The following ADD3 variants were observed in gnomAD, a reference collection of about 807,000 sequenced individuals.
ADD3 encodes the protein adducin 3.
A neutral mutation model predicts 80.2 loss-of-function variants in ADD3; 25 were observed. The observed-to-expected ratio is 0.31, with a 90% CI of 0.23 to 0.44. The LOEUF (loss-of-function observed/expected upper bound fraction) is 0.44. Among genes scored for constraint, ADD3 ranks in the 20% least tolerant of loss-of-function variants. The pLI is 1.00. For missense variants in ADD3, 829 were observed against 847.5 expected (o/e 0.98, Z 0.27); for synonymous variants, 284 against 289.6 (o/e 0.98, Z 0.20).
intron 1 of ADD3, among the ~76,000 whole-genome samples, chr10:110,053,226 A>G (rs547275548): frequency 3.0e-4 from 46 of 152,146 alleles, no homozygotes; most frequent in South Asian, 1.2e-3. Flanking sequence ...AATAAAAAGA[A>G]TGCTGTTGGA....
chr10:110,008,771 C>T (rs1022711585), intron 1 of ADD3, among the ~76,000 whole-genome samples: 2 of 151,998 alleles, frequency 1.3e-5, no homozygotes, highest in Non-Finnish European at 2.9e-5. Context: ...TTTTTCTCCT[C>T]ATTTAAAAAA....
At chr10:110,044,337 C>T (rs1287934983) in intron 1 of ADD3, among the ~76,000 whole-genome samples, 1 of 152,104 alleles carries the variant, frequency 6.6e-6, no homozygotes, top group African/African-American at 2.4e-5. Flanking sequence ...TGTCTTCTGG[C>T]CTATTAGACC....
intron 1 of ADD3, among the ~76,000 whole-genome samples, chr10:110,057,156 C>T (rs1018326770): frequency 1.3e-5 from 2 of 152,138 alleles, no homozygotes; most frequent in African/African-American, 2.4e-5. Context: ...CCAATTCTCC[C>T]CATATCAACC....
chr10:110,063,776 T>TATATATATATATATAG (rs1564914369), intron 1 of ADD3, among the ~76,000 whole-genome samples: 2 of 97,726 alleles, frequency 2.0e-5, no homozygotes, highest in Non-Finnish European at 4.1e-5. Context: ...TATATATATA[T>TATATATATATATATAG]ATATATAAAG....
chr10:110,012,713 C>G (rs374642303), intron 1 of ADD3, among the ~76,000 whole-genome samples: 1 of 151,788 alleles, frequency 6.6e-6, no homozygotes, highest in Non-Finnish European at 1.5e-5. Flanking sequence ...AAAGCTGAAC[C>G]GTTATTGTAC....
chr10:110,024,923 CTCTTT>C (rs1854101743), intron 1 of ADD3, among the ~76,000 whole-genome samples: 2 of 151,160 alleles, frequency 1.3e-5, no homozygotes, highest in African/African-American at 4.9e-5. Flanking sequence ...AAGTTTCCTC[CTCTTT>C]TCTTTTTTTT....
intron 1 of ADD3, among the ~76,000 whole-genome samples, chr10:109,999,586 C>T (rs894558914): frequency 2.0e-5 from 3 of 152,182 alleles, no homozygotes; most frequent in African/African-American, 7.2e-5. Context: ...TCAGTTTCCT[C>T]ATTTGAAAAA....
chr10:110,118,669 C>T lies in ADD3; in HGVS notation c.650C>T (p.Ala217Val). 1 of 1,613,792 alleles carries T rather than the reference C, an allele frequency of 6.2e-7. No individual in the cohort carries two copies. The highest frequency in any genetic ancestry group is 8.5e-7 in the Non-Finnish European group (1 of 1,179,696). The part of the protein sequence containing the change: ...KIDHTGFSPH[A>V]AIYSTRPDVK... ...GACCATACAGGATTCAGTCCCCATG[C>T]TGCAATCTATTCAACACGTCCTGAT... Residue 217 changes from alanine (A) to valine (V), a missense_variant, in exon 6 of 15, where the codon GCT (alanine) becomes GTT (valine). Physicochemically the swap from Ala to Val is moderately conservative, Grantham distance 64. Transcript: ENST00000356080.
intron 12 of ADD3, among the ~76,000 whole-genome samples, chr10:110,128,576 C>T (rs1047159388): frequency 9.9e-5 from 15 of 151,880 alleles, no homozygotes; most frequent in Admixed American, 3.9e-4. Flanking sequence ...TCACCGTGCC[C>T]GACTAATTTT....
At chr10:110,090,300 A>AT (rs1847334736) in intron 1 of ADD3, among the ~76,000 whole-genome samples, 2 of 149,410 alleles carry the variant, frequency 1.3e-5, no homozygotes, top group South Asian at 4.2e-4. Flanking sequence ...GCTCACTGCA[A>AT]CCTTCACCTC....
intron 2 of ADD3, among the ~76,000 whole-genome samples, chr10:110,102,335 G>C (rs1590129079): frequency 6.6e-6 from 1 of 152,218 alleles, no homozygotes; most frequent in East Asian, 1.9e-4. Flanking sequence ...ATCGGAAATG[G>C]TGGCTCACGC....
intron 1 of ADD3, among the ~76,000 whole-genome samples, chr10:110,037,096 T>C (rs1249236805): frequency 6.6e-6 from 1 of 152,336 alleles, no homozygotes; most frequent in East Asian, 1.9e-4. Flanking sequence ...TTGGAAAGAA[T>C]TGACCATAGA....
At chr10:110,092,844 A>T (rs1202747294) in intron 1 of ADD3, among the ~76,000 whole-genome samples, 1 of 151,596 alleles carries the variant, frequency 6.6e-6, no homozygotes, top group Non-Finnish European at 1.5e-5. Context: ...TCGCCTTTTC[A>T]TAGAGTTGTG....
chr10:110,069,302 T>G (rs1589971959), intron 1 of ADD3, among the ~76,000 whole-genome samples: 1 of 152,362 alleles, frequency 6.6e-6, no homozygotes, highest in East Asian at 1.9e-4. Context: ...TTATTTGTAC[T>G]TCAGTGTGGA....
intron 5 of ADD3, 76 bp from the exon 6 acceptor site, chr10:110,118,511 C>G: frequency 7.6e-7 from 1 of 1,309,744 alleles, no homozygotes. Context: ...AGGTTTGCTA[C>G]CCCCTGGTTT....
At chr10:110,063,736 ATTATATATATATATATATATATAT>A (rs1354944645) in intron 1 of ADD3, among the ~76,000 whole-genome samples, 2 of 45,798 alleles carry the variant, frequency 4.4e-5, no homozygotes, top group African/African-American at 1.6e-4. Context: ...ATATATATTC[ATTATATATATATATATATATATAT>A]ATATATATAT....
In ADD3 at chr10:110,016,695, A is replaced by G. The variant is rs191271345; in HGVS notation, c.-30+8396A>G. Reference sequence around the variant, plus strand: ...CCTTTTTGTCTCATTTTGTAAGGCAATGATTCCTACTTGAGTGAATTCACT... The same window carrying G: ...CCTTTTTGTCTCATTTTGTAAGGCAGTGATTCCTACTTGAGTGAATTCACT... On this transcript the variant is annotated intron_variant, in intron 1 of 14. Coordinates refer to ENST00000356080, the MANE Select transcript of ADD3 (RefSeq NM_016824.5). 94 of 152,326 alleles carry G rather than the reference A, an allele frequency of 6.2e-4. 1 individual carries two copies. The highest frequency in any genetic ancestry group is 2.1e-3 in the African/African-American group (88 of 41,570). The allele number at this position is 152,326 out of a possible 1,614,324, so 9.4% of individuals were successfully genotyped here.
intron 1 of ADD3, among the ~76,000 whole-genome samples, chr10:110,037,927 T>C (rs940929874): frequency 1.1e-4 from 16 of 151,264 alleles, no homozygotes; most frequent in Middle Eastern, 3.4e-3. Flanking sequence ...ATTAGCTGGG[T>C]GTGTGGTGGC....
intron 1 of ADD3, among the ~76,000 whole-genome samples, chr10:110,038,146 A>G (rs1368804666): frequency 6.6e-6 from 1 of 151,800 alleles, no homozygotes; most frequent in Non-Finnish European, 1.5e-5. Flanking sequence ...GCAGTAAACC[A>G]CCACCCAGAG....
Sources: allele counts gnomAD v4.1 joint callset (sites outside exome capture counted in the v4.1 genomes callset), GRCh38; gene constraint gnomAD v4.1.1; transcripts MANE v1.5; gene names NCBI Gene and HGNC (gene_info 2026-07-23, HGNC 2026-07-21).